Variants in HTR1F observed in about 807,000 individuals in gnomAD.
The protein encoded by HTR1F is 5-hydroxytryptamine (serotonin) receptor 1F, G protein-coupled.
Under a neutral mutation model 24.0 loss-of-function variants are expected in HTR1F, and 17 were observed. The observed-to-expected ratio is 0.71, with a 90% CI of 0.48 to 1.06. HTR1F has a LOEUF of 1.06. Among genes scored for constraint, HTR1F ranks in the 50% least tolerant of loss-of-function variants. HTR1F has a pLI of 0.00. For synonymous variants in HTR1F, 186 were observed against 156.8 expected, an observed-to-expected ratio of 1.19 and a Z score of -1.39; for missense variants, 391 against 427.8, an observed-to-expected ratio of 0.91 and a Z score of 0.76.
At chr3:87,914,388 C>G (rs12491305) in intron 2 of HTR1F, among the ~76,000 whole-genome samples, 16,888 of 152,192 alleles carry the variant, frequency 0.11, 1,168 homozygotes, top group Non-Finnish European at 0.16. Context: ...ATTGCAGATT[C>G]CATGGGCAGG....
chr3:87,844,323 C>A (rs1393825132), intron 2 of HTR1F, among the ~76,000 whole-genome samples: 57 of 145,386 alleles, frequency 3.9e-4, no homozygotes, highest in African/African-American at 1.3e-3. Context: ...GCATAAATGT[C>A]TTCTTTTGAG....
intron 2 of HTR1F, among the ~76,000 whole-genome samples, chr3:87,843,595 T>G (rs1704859541): frequency 6.6e-6 from 1 of 151,196 alleles, no homozygotes; most frequent in African/African-American, 2.5e-5. Flanking sequence ...TAGTTACATA[T>G]GTATACATGT....
intron 2 of HTR1F, among the ~76,000 whole-genome samples, chr3:87,978,477 T>C (rs1705448438): frequency 6.6e-6 from 1 of 152,068 alleles, no homozygotes; most frequent in Non-Finnish European, 1.5e-5. Context: ...AGTACAGCTC[T>C]CAGTACAGTA....
At chr3:87,870,081 T>G (rs1400455541) in intron 2 of HTR1F, among the ~76,000 whole-genome samples, 1 of 152,134 alleles carries the variant, frequency 6.6e-6, no homozygotes, top group Non-Finnish European at 1.5e-5. Context: ...CACTTTATTC[T>G]TAAAGGGGAA....
intron 2 of HTR1F, among the ~76,000 whole-genome samples, chr3:87,844,869 T>C (rs1704902638): frequency 6.6e-6 from 1 of 151,426 alleles, no homozygotes; most frequent in Non-Finnish European, 1.5e-5. Context: ...GAGGGCTCTG[T>C]TCTGTTCCAT....
chr3:87,810,508 A>G (rs1214924615), intron 1 of HTR1F, among the ~76,000 whole-genome samples: 1 of 152,108 alleles, frequency 6.6e-6, no homozygotes, highest in Non-Finnish European at 1.5e-5. Context: ...CCATTCACTC[A>G]GGATGTGGCA....
intron 2 of HTR1F, among the ~76,000 whole-genome samples, chr3:87,902,881 G>A (rs926097620): frequency 3.3e-5 from 5 of 151,632 alleles, no homozygotes; most frequent in African/African-American, 9.7e-5. Flanking sequence ...AGTTTACTGA[G>A]AATGACGATT....
chr3:87,913,383 G>A (rs1703822819), intron 2 of HTR1F, among the ~76,000 whole-genome samples: 1 of 152,148 alleles, frequency 6.6e-6, no homozygotes, highest in Non-Finnish European at 1.5e-5. Flanking sequence ...AAAGCACCAT[G>A]AGAGACCCAG....
chr3:87,836,689 A>G (rs1704689630), intron 2 of HTR1F, among the ~76,000 whole-genome samples: 1 of 152,196 alleles, frequency 6.6e-6, no homozygotes, highest in African/African-American at 2.4e-5. Flanking sequence ...AAGCAATTCA[A>G]TGATCTTCCA....
chr3:87,796,858 A>G (rs1703914331), intron 1 of HTR1F, among the ~76,000 whole-genome samples: 1 of 152,246 alleles, frequency 6.6e-6, no homozygotes, highest in South Asian at 2.1e-4. Context: ...TCTTATAGAT[A>G]TGCTTGCACT....
At chr3:87,931,377 C>T (rs944774948) in intron 2 of HTR1F, among the ~76,000 whole-genome samples, 1 of 152,160 alleles carries the variant, frequency 6.6e-6, no homozygotes, top group Non-Finnish European at 1.5e-5. Flanking sequence ...AGGACGTGAA[C>T]TCATCATTTC....
chr3:87,851,200 A>G (rs1463818123), intron 2 of HTR1F, among the ~76,000 whole-genome samples: 2 of 151,704 alleles, frequency 1.3e-5, no homozygotes, highest in Admixed American at 1.3e-4. Context: ...CCAAAATTTT[A>G]TTATGCTCTT....
At chr3:87,795,178 G>T (rs562147669) in intron 1 of HTR1F, among the ~76,000 whole-genome samples, 2 of 151,912 alleles carry the variant, frequency 1.3e-5, no homozygotes, top group African/African-American at 2.4e-5. Context: ...TAGAAACAAG[G>T]TTTCACCATG....
At chr3:87,930,879 T>A (rs1345625819) in intron 2 of HTR1F, among the ~76,000 whole-genome samples, 1 of 152,186 alleles carries the variant, frequency 6.6e-6, no homozygotes, top group Non-Finnish European at 1.5e-5. Flanking sequence ...ATATTGTTGA[T>A]GTTTTACAAG....
At chr3:87,921,016 C>T (rs950350635) in intron 2 of HTR1F, among the ~76,000 whole-genome samples, 5 of 151,960 alleles carry the variant, frequency 3.3e-5, no homozygotes, top group African/African-American at 1.2e-4. Context: ...AAGCTCAATA[C>T]TTGGTCTTTA....
In HTR1F at chr3:87,992,100, A is replaced by C. The variant is rs1193944917; in HGVS notation, c.*250A>C. ...AATATTTTGCCTATGCAATGTTCCT[A>C]AAAAGCTAACTGGAAAAAATATATA... On this transcript the variant is annotated 3_prime_UTR_variant, in exon 3 of 3. Transcript: ENST00000319595. 12 of 256,306 alleles carry C rather than the reference A, an allele frequency of 4.7e-5. No homozygotes were observed. The highest frequency in any genetic ancestry group is 7.9e-5 in the Non-Finnish European group (10 of 127,336). The allele number at this position is 256,306 out of a possible 1,614,324, so 15.9% of individuals were successfully genotyped here.
intron 2 of HTR1F, among the ~76,000 whole-genome samples, chr3:87,926,017 A>G (rs1249129166): frequency 6.6e-6 from 1 of 152,200 alleles, no homozygotes; most frequent in Admixed American, 6.5e-5. Context: ...AGCTATCTTG[A>G]TGACATCCAT....
rs1312412250 is a variant in HTR1F, at chr3:87,992,659, A to C, written c.*809A>C. On this transcript the variant is annotated 3_prime_UTR_variant, in exon 3 of 3. Coordinates refer to ENST00000319595, the MANE Select transcript of HTR1F (RefSeq NM_001322209.2). ...TTTACTTAGGAATCAAATTTAAAGC[A>C]CTAAATATCATAGATTACTCACCAC... 6.0e-6 allele frequency: 1 copy of C among 167,024 alleles called. No homozygotes were observed. The highest frequency in any genetic ancestry group is 6.5e-5 in the Admixed American group (1 of 15,276). 10.3% of individuals were successfully genotyped at this position (167,024 alleles called of 1,614,324 possible).
intron 1 of HTR1F, among the ~76,000 whole-genome samples, chr3:87,795,670 G>A (rs1035472746): frequency 6.6e-6 from 1 of 152,146 alleles, no homozygotes; most frequent in Non-Finnish European, 1.5e-5. Context: ...CCTGTAAGTG[G>A]AAACCTTACT....
Sources: allele counts gnomAD v4.1 joint callset (sites outside exome capture counted in the v4.1 genomes callset), GRCh38; gene constraint gnomAD v4.1.1; transcripts MANE v1.5; gene names NCBI Gene and HGNC (gene_info 2026-07-23, HGNC 2026-07-21).